PLXDC1: variants seen among roughly 807,000 people sequenced by gnomAD.
The protein encoded by PLXDC1 is plexin domain containing 1.
A neutral mutation model predicts 61.3 loss-of-function variants in PLXDC1; 39 were observed. The observed-to-expected ratio is 0.64, with a 90% confidence interval of 0.49 to 0.83. The LOEUF (loss-of-function observed/expected upper bound fraction) is 0.83, where lower values mean the gene tolerates loss of function less well. Ranked by LOEUF, PLXDC1 falls within the 40% of genes least tolerant of loss-of-function variation. The pLI, the probability that PLXDC1 is intolerant of heterozygous loss-of-function variation, is 0.00. For synonymous variants in PLXDC1, 212 were observed against 254.5 expected (o/e 0.83, Z 1.59); for missense variants, 596 against 666.5 (o/e 0.89, Z 1.17).
chr17:39,148,580 A>T (rs1322668780), intron 1 of PLXDC1, among the ~76,000 whole-genome samples: 1 of 151,750 alleles, frequency 6.6e-6, no homozygotes, highest in Admixed American at 6.6e-5. Context: ...AATAATATTA[A>T]TAACAATACT....
At chr17:39,148,473 C>T (rs2045354772) in intron 1 of PLXDC1, among the ~76,000 whole-genome samples, 1 of 151,828 alleles carries the variant, frequency 6.6e-6, no homozygotes, top group African/African-American at 2.4e-5. Context: ...CTCTGCCTCT[C>T]GGGTTCAAGC....
chr17:39,067,780 T>C lies in PLXDC1; in HGVS notation c.*60A>G. Reference sequence around the variant, plus strand: ...AGAGGCCAGGAAAAGTCACTTCTCTTCTTTGCTTTAACTGTCTTTTCTGTG... The same window carrying C: ...AGAGGCCAGGAAAAGTCACTTCTCTCCTTTGCTTTAACTGTCTTTTCTGTG... On this transcript the variant is annotated 3_prime_UTR_variant, in exon 14 of 14. Transcript: ENST00000315392. 6.5e-7 allele frequency: 1 copy of C among 1,535,560 alleles called. No homozygotes were observed. The highest frequency in any genetic ancestry group is 1.2e-5 in the South Asian group (1 of 84,116).
chr17:39,146,847 C>A (rs2045345405), intron 1 of PLXDC1, among the ~76,000 whole-genome samples: 1 of 149,240 alleles, frequency 6.7e-6, no homozygotes, highest in Non-Finnish European at 1.5e-5. Flanking sequence ...CAGAGTGAGA[C>A]CCTGTCTCAA....
intron 9 of PLXDC1, among the ~76,000 whole-genome samples, chr17:39,082,316 GC>G (rs1909591619): frequency 6.6e-6 from 1 of 152,216 alleles, no homozygotes; most frequent in Non-Finnish European, 1.5e-5. Context: ...CTTTGGGAAG[GC>G]CGAGATAGAT....
At chr17:39,142,506 T>C (rs3025180) in intron 1 of PLXDC1, among the ~76,000 whole-genome samples, 1 of 152,182 alleles carries the variant, frequency 6.6e-6, no homozygotes, top group South Asian at 2.1e-4. Flanking sequence ...TCCTCTCCAG[T>C]TCCCTCTAGG....
chr17:39,128,097 G>GTATATATATATATATACA (rs1911380909), intron 2 of PLXDC1, among the ~76,000 whole-genome samples: 6 of 67,478 alleles, frequency 8.9e-5, no homozygotes, highest in Non-Finnish European at 1.4e-4. Flanking sequence ...CTCTCTATGT[G>GTATATATATATATATACA]TATATATATA....
chr17:39,071,076 C>CA (rs1909098049), intron 12 of PLXDC1, among the ~76,000 whole-genome samples: 1 of 152,318 alleles, frequency 6.6e-6, no homozygotes, highest in Admixed American at 6.5e-5. Flanking sequence ...AGCCAACAGT[C>CA]ACCCTCTGAG....
intron 1 of PLXDC1, among the ~76,000 whole-genome samples, chr17:39,149,252 A>T (rs551407537): frequency 3.9e-5 from 6 of 152,130 alleles, no homozygotes; most frequent in Non-Finnish European, 7.4e-5. Flanking sequence ...CCAGCCCCAC[A>T]AACCCAGAGC....
chr17:39,128,711 G>A (rs982557433), intron 2 of PLXDC1, among the ~76,000 whole-genome samples: 4 of 151,838 alleles, frequency 2.6e-5, no homozygotes, highest in Non-Finnish European at 5.9e-5. Flanking sequence ...AGATCCCAAG[G>A]AATTCAAAAC....
At chr17:39,107,097 ACT>A (rs1193303997) in intron 6 of PLXDC1, among the ~76,000 whole-genome samples, 1 of 151,838 alleles carries the variant, frequency 6.6e-6, no homozygotes, top group Admixed American at 6.6e-5. Context: ...TCAGATTTCA[ACT>A]CTTTTCCTCA....
At chr17:39,118,211 T>C (rs1015049310) in intron 2 of PLXDC1, among the ~76,000 whole-genome samples, 7 of 151,622 alleles carry the variant, frequency 4.6e-5, no homozygotes, top group African/African-American at 1.5e-4. Context: ...TCTTTTCTTT[T>C]CTTCTTTTTT....
At chr17:39,139,615 C>G (rs1403912411) in intron 2 of PLXDC1, 39 bp downstream of exon 2, 3 of 1,530,280 alleles carry the variant, frequency 2.0e-6, no homozygotes, top group Non-Finnish European at 2.7e-6. Context: ...CCTCCCCCAC[C>G]CCCACTTCGC....
At chr17:39,096,680 GC>G (rs1910215872) in intron 7 of PLXDC1, among the ~76,000 whole-genome samples, 1 of 152,232 alleles carries the variant, frequency 6.6e-6, no homozygotes, top group Non-Finnish European at 1.5e-5. Flanking sequence ...CAGCCAAGGG[GC>G]AGGCTACATT....
chr17:39,119,496 G>A (rs1911090814), intron 2 of PLXDC1, among the ~76,000 whole-genome samples: 1 of 152,136 alleles, frequency 6.6e-6, no homozygotes. Flanking sequence ...TGTAATGCTG[G>A]TACTTTGGGA....
intron 2 of PLXDC1, among the ~76,000 whole-genome samples, chr17:39,128,107 A>ATACATATATATGTGTG (rs1911387079): frequency 9.9e-6 from 1 of 100,632 alleles, no homozygotes. Flanking sequence ...GTATATATAT[A>ATACATATATATGTGTG]TATATATGTA....
At chr17:39,101,649 T>G (rs757320) in intron 7 of PLXDC1, among the ~76,000 whole-genome samples, 66,484 of 151,920 alleles carry the variant, frequency 0.44, 14,916 homozygotes, top group Admixed American at 0.51. Context: ...CAGTGGGCGC[T>G]TTGCCCTCAA....
At chr17:39,103,487 G>T (rs1404216251) in intron 7 of PLXDC1, among the ~76,000 whole-genome samples, 2 of 152,138 alleles carry the variant, frequency 1.3e-5, no homozygotes, top group African/African-American at 4.8e-5. Flanking sequence ...AGGCCGCAAT[G>T]AACTATGATG....
intron 2 of PLXDC1, among the ~76,000 whole-genome samples, chr17:39,128,959 G>A (rs970909149): frequency 2.0e-5 from 3 of 148,802 alleles, no homozygotes; most frequent in South Asian, 4.3e-4. Context: ...GCAGTGAGCC[G>A]AGATTGTGCC....
At chr17:39,117,290 C>T (rs529232183) in intron 2 of PLXDC1, among the ~76,000 whole-genome samples, 1 of 152,290 alleles carries the variant, frequency 6.6e-6, no homozygotes, top group Admixed American at 6.5e-5. Context: ...CACCTCTGGA[C>T]TAGGAAGCCC....
Sources: allele counts gnomAD v4.1 joint callset (sites outside exome capture counted in the v4.1 genomes callset), GRCh38; gene constraint gnomAD v4.1.1; transcripts MANE v1.5; gene names NCBI Gene and HGNC (gene_info 2026-07-23, HGNC 2026-07-21).